POU2F1: variants seen among roughly 807,000 people sequenced by gnomAD.
The protein encoded by POU2F1 is POU domain, class 2, transcription factor 1.
In POU2F1, 16 loss-of-function variants were observed where a neutral mutation model predicts 84.9. The observed-to-expected ratio is 0.19, with a 90% CI of 0.13 to 0.29. The LOEUF (loss-of-function observed/expected upper bound fraction) is 0.29. Among genes scored for constraint, POU2F1 ranks in the 10% least tolerant of loss-of-function variants. The pLI is 1.00. For synonymous variants in POU2F1, 368 were observed against 368.3 expected, an observed-to-expected ratio of 1.00 and a Z score of 0.01; for missense variants, 738 against 942.6, an observed-to-expected ratio of 0.78 and a Z score of 2.84.
intron 1 of POU2F1, among the ~76,000 whole-genome samples, chr1:167,324,682 G>A (rs142979664): frequency 6.6e-6 from 1 of 152,234 alleles, no homozygotes; most frequent in African/African-American, 2.4e-5. Flanking sequence ...TCGGCTCTCT[G>A]TTTAGTAGCT....
intron 2 of POU2F1, among the ~76,000 whole-genome samples, chr1:167,362,209 G>T (rs763585840): frequency 5.9e-5 from 9 of 152,154 alleles, no homozygotes; most frequent in Non-Finnish European, 1.2e-4. Context: ...TCCCAGTGGA[G>T]CCTCAGTTGC....
chr1:167,329,455 C>T, intron 1 of POU2F1: 2 of 869,386 alleles, frequency 2.3e-6, no homozygotes, highest in Non-Finnish European at 3.3e-6. Flanking sequence ...AAAGCATTTG[C>T]AAAGCACAAG....
In POU2F1 at chr1:167,237,211, C is replaced by T. The variant is rs142406418; in HGVS notation, c.61+16253C>T. 1.5e-3 allele frequency among the ~76,000 whole-genome samples: 229 copies of T among 152,270 alleles called. 2 individuals carry two copies. The East Asian group carries it at 0.033, about 22-fold the overall frequency. ...CAGTGGTGAGAAAAGATGACAGTGACCTTGAAGGAGAGAGGCTATCTAACG... is the reference window on the plus strand; with the variant it reads ...CAGTGGTGAGAAAAGATGACAGTGATCTTGAAGGAGAGAGGCTATCTAACG... On this transcript the variant is annotated intron_variant, in intron 1 of 15. Coordinates refer to ENST00000367866, the MANE Select transcript of POU2F1 (RefSeq NM_002697.4).
chr1:167,243,452 G>A (rs1650062172), intron 1 of POU2F1, among the ~76,000 whole-genome samples: 1 of 152,118 alleles, frequency 6.6e-6, no homozygotes, highest in South Asian at 2.1e-4. Flanking sequence ...AAGTAAGTAT[G>A]AACAGGTATA....
chr1:167,267,826 A>G (rs1377076217), intron 1 of POU2F1, among the ~76,000 whole-genome samples: 1 of 151,734 alleles, frequency 6.6e-6, no homozygotes, highest in Non-Finnish European at 1.5e-5. Context: ...TATTTTTAGT[A>G]GAGATGGGTT....
At chr1:167,369,749 G>A (rs1363247917) in intron 3 of POU2F1, among the ~76,000 whole-genome samples, 1 of 152,106 alleles carries the variant, frequency 6.6e-6, no homozygotes, top group Non-Finnish European at 1.5e-5. Context: ...AAAATAAGTA[G>A]ATGGTTCTGA....
At chr1:167,292,722 A>G (rs898572335) in intron 1 of POU2F1, among the ~76,000 whole-genome samples, 11 of 152,070 alleles carry the variant, frequency 7.2e-5, no homozygotes, top group Admixed American at 3.3e-4. Context: ...CTACAGACCA[A>G]TATCCCTGAT....
At chr1:167,226,989 A>T (rs529473107) in intron 1 of POU2F1, among the ~76,000 whole-genome samples, 6 of 152,016 alleles carry the variant, frequency 3.9e-5, no homozygotes, top group African/African-American at 1.4e-4. Flanking sequence ...GGGTCTTGCT[A>T]TGTTGCCTAG....
At chr1:167,316,643 T>C (rs1220675553) in intron 1 of POU2F1, among the ~76,000 whole-genome samples, 1 of 152,218 alleles carries the variant, frequency 6.6e-6, no homozygotes, top group South Asian at 2.1e-4. Flanking sequence ...ATTTTATATC[T>C]GATATAGAAC....
At chr1:167,356,191 G>A (rs1405249336) in intron 2 of POU2F1, among the ~76,000 whole-genome samples, 1 of 146,404 alleles carries the variant, frequency 6.8e-6, no homozygotes, top group Non-Finnish European at 1.5e-5. Context: ...TCTTGTAGAG[G>A]CGGGGTTTCA....
At chr1:167,321,050 T>G (rs1656278303) in intron 1 of POU2F1, among the ~76,000 whole-genome samples, 1 of 152,124 alleles carries the variant, frequency 6.6e-6, no homozygotes, top group Non-Finnish European at 1.5e-5. Flanking sequence ...GGGTAAAGAG[T>G]AGTAGTCTGA....
At chr1:167,285,031 T>G (rs1417136605) in intron 1 of POU2F1, among the ~76,000 whole-genome samples, 2 of 152,242 alleles carry the variant, frequency 1.3e-5, no homozygotes, top group Non-Finnish European at 2.9e-5. Context: ...GAAATTATAT[T>G]CTAAATCACT....
chr1:167,255,506 A>G (rs1354473676), intron 1 of POU2F1, among the ~76,000 whole-genome samples: 1 of 152,218 alleles, frequency 6.6e-6, no homozygotes, highest in African/African-American at 2.4e-5. Flanking sequence ...ATGGTGCTGA[A>G]AACAAGCATA....
At chr1:167,265,330 C>A (rs995818932) in intron 1 of POU2F1, among the ~76,000 whole-genome samples, 1 of 152,188 alleles carries the variant, frequency 6.6e-6, no homozygotes, top group Admixed American at 6.5e-5. Flanking sequence ...CAGGACAGTT[C>A]ACAATGATAA....
At chr1:167,362,948 GTC>G (rs1462605112) in intron 2 of POU2F1, among the ~76,000 whole-genome samples, 1 of 152,150 alleles carries the variant, frequency 6.6e-6, no homozygotes, top group African/African-American at 2.4e-5. Context: ...GGGAGGGGCA[GTC>G]TCTCCCCAGC....
intron 2 of POU2F1, among the ~76,000 whole-genome samples, chr1:167,352,516 G>A (rs1658647587): frequency 6.6e-6 from 1 of 152,194 alleles, no homozygotes; most frequent in African/African-American, 2.4e-5. Context: ...GGGCAATTGG[G>A]AGAGAGTTGA....
At chr1:167,242,954 C>T (rs1261944078) in intron 1 of POU2F1, among the ~76,000 whole-genome samples, 1 of 151,996 alleles carries the variant, frequency 6.6e-6, no homozygotes, top group East Asian at 1.9e-4. Context: ...CCACCTGCCT[C>T]TCTCCCCCGC....
intron 2 of POU2F1, chr1:167,338,145 TG>T: frequency 4.3e-6 from 2 of 467,346 alleles, no homozygotes. Context: ...TCCAGCTTTT[TG>T]TCTTCTGCCA....
chr1:167,251,603 A>G (rs1650731402), intron 1 of POU2F1, among the ~76,000 whole-genome samples: 1 of 152,114 alleles, frequency 6.6e-6, no homozygotes, highest in South Asian at 2.1e-4. Context: ...TGGTCTCTGT[A>G]TATCAAGTAC....
Sources: gnomAD v4.1 joint callset for allele counts (sites outside exome capture counted in the v4.1 genomes callset) on GRCh38, gnomAD v4.1.1 for gene constraint, MANE v1.5 for transcripts, NCBI Gene and HGNC (gene_info 2026-07-23, HGNC 2026-07-21) for gene names.